MXRA7: variants seen among roughly 807,000 people sequenced by gnomAD.
MXRA7 encodes the protein matrix-remodeling-associated protein 7.
A neutral mutation model predicts 17.4 loss-of-function variants in MXRA7; 18 were observed. The observed-to-expected ratio is 1.03, with a 90% confidence interval of 0.71 to 1.53. The LOEUF (loss-of-function observed/expected upper bound fraction) is 1.53. Among genes scored for constraint, MXRA7 ranks in the 40% most tolerant of loss-of-function variants. The pLI is 0.00. For synonymous variants in MXRA7, 70 were observed against 101.7 expected, an observed-to-expected ratio of 0.69 and a Z score of 1.87; for missense variants, 141 against 209.3, an observed-to-expected ratio of 0.67 and a Z score of 2.01.
downstream of MXRA7, chr17:76,679,473 G>T: frequency 2.7e-6 from 1 of 372,010 alleles, no homozygotes; most frequent in African/African-American, 2.2e-5. Flanking sequence ...CTCTGCTGCA[G>T]AGTAAGAGGC....
downstream of MXRA7, chr17:76,679,519 C>T: frequency 1.2e-6 from 1 of 857,190 alleles, no homozygotes; most frequent in Non-Finnish European, 1.4e-6. Flanking sequence ...TCAATGGGTT[C>T]AAAAGGGATT....
At chr17:76,708,792 G>T (rs184892621) in intron 1 of MXRA7, among the ~76,000 whole-genome samples, 1 of 152,228 alleles carries the variant, frequency 6.6e-6, no homozygotes, top group East Asian at 1.9e-4. Flanking sequence ...AACCCAAAGG[G>T]GAAGGGCACT....
rs1248154955 is a variant in MXRA7 at position 76,710,816 on chromosome 17, GGTTCCGGGGGCGCGC to G, written c.116_130del (p.Arg39_Glu43del). 1 of 949,566 alleles carries G rather than the reference GGTTCCGGGGGCGCGC, an allele frequency of 1.1e-6. No homozygotes were observed. 58.8% of individuals were successfully genotyped at this position (949,566 alleles called of 1,614,324 possible). On this transcript the variant is annotated inframe_deletion, in exon 1 of 4. Transcript: ENST00000449428. ...CCCGGTGGCCTCGGCCGGGGGCGCG[GGTTCCGGGGGCGCGC>G]GGGCAGGCTCCGGGCTCGCGGCCGC...
At chr17:76,689,461 T>G (rs1203493283) in intron 1 of MXRA7, 3 of 152,296 alleles carry the variant, frequency 2.0e-5, no homozygotes, top group Non-Finnish European at 2.9e-5. Flanking sequence ...GCGTCTTCCC[T>G]GTTGGGCACT....
intron 1 of MXRA7, among the ~76,000 whole-genome samples, chr17:76,690,578 C>T (rs536776702): frequency 6.6e-6 from 1 of 151,976 alleles, no homozygotes; most frequent in South Asian, 2.1e-4. Context: ...TGCATGGTGG[C>T]ACGCACCTGT....
chr17:76,710,657 TC>T lies in MXRA7; in HGVS notation c.289del (p.Asp97IlefsTer52). 2.2e-6 allele frequency: 3 copies of T among 1,360,280 alleles called. No individual in the cohort carries two copies. Among genetic ancestry groups the T allele is most frequent in the South Asian group, 1.6e-5 (1 of 61,824 alleles). The allele number at this position is 1,360,280 out of a possible 1,614,324, so 84.3% of individuals were successfully genotyped here. A position where few individuals can be genotyped will look rare whatever the true frequency, so the allele number is the denominator to read the frequency against. On this transcript the variant is annotated frameshift_variant, in exon 1 of 4. Coordinates refer to ENST00000449428, the MANE Select transcript of MXRA7 (RefSeq NM_198530.4). LOFTEE classifies it high-confidence loss of function. Reference protein sequence around the residue: ...AGPGEPEGPGDPAAAPAEAEE... With the variant: ...AGPGEPEGPGXPAAAPAEAEE... ...CGCCTCCGCTGGCGCCGCCGCGGGA[TC>T]CCCTGGCCCTTCGGGCTCCCCCGGT...
At chr17:76,684,030 C>A in intron 3 of MXRA7, 1 of 912,896 alleles carries the variant, frequency 1.1e-6, no homozygotes, top group South Asian at 1.3e-5. Flanking sequence ...GCTGTGCTTA[C>A]ACTGCCCGCC....
intron 1 of MXRA7, among the ~76,000 whole-genome samples, chr17:76,704,886 C>T (rs568064124): frequency 4.3e-4 from 66 of 151,938 alleles, no homozygotes; most frequent in African/African-American, 1.4e-3. Context: ...ATACATCTGT[C>T]CTTAACAGTG....
In MXRA7 at chr17:76,682,842, C is replaced by T. The variant is rs987744710; in HGVS notation, c.501-1963G>A. Among the ~76,000 whole-genome samples, 6 of 152,256 alleles carry T rather than the reference C, an allele frequency of 3.9e-5. No homozygotes were observed. The South Asian group carries it at 6.2e-4, about 16-fold the overall frequency. ...TGGTAACTGCAGCATGCAGAGGAGT[C>T]GAGGAGTCTTCCCTCGTCCCAGGAG... On this transcript the variant is annotated intron_variant, in intron 3 of 3. Coordinates refer to ENST00000449428, the MANE Select transcript of MXRA7 (RefSeq NM_198530.4).
At chr17:76,683,841 C>G in intron 3 of MXRA7, 2 of 1,611,696 alleles carry the variant, frequency 1.2e-6, no homozygotes, top group Non-Finnish European at 1.7e-6. Context: ...AAATCAGTGT[C>G]CTTACCAAAA....
chr17:76,707,744 A>G (rs529344117), intron 1 of MXRA7, among the ~76,000 whole-genome samples: 1 of 152,286 alleles, frequency 6.6e-6, no homozygotes, highest in Non-Finnish European at 1.5e-5. Flanking sequence ...CCGACCATCC[A>G]GCCTTGCTCC....
chr17:76,685,276 C>A, intron 2 of MXRA7, 111 bp from the exon 3 acceptor site: 1 of 760,832 alleles, frequency 1.3e-6, no homozygotes. Context: ...GAGGCCACAT[C>A]TGGCTATCAG....
rs2076532827 is a variant in MXRA7, at chr17:76,696,399, T to TAA, written c.343-8224_343-8223insTT. Among the ~76,000 whole-genome samples the TAA allele has an allele frequency of 2.0e-5, 3 of 152,222 alleles. No individual in the cohort carries two copies. The South Asian group carries it at 6.2e-4, about 32-fold the overall frequency. ...AGCCGGGGGTGGTGGCATGTGCTTGTAGCCCCAGATACTTCGGAGGCTGAG... is the reference window on the plus strand; with the variant it reads ...AGCCGGGGGTGGTGGCATGTGCTTGTAAAGCCCCAGATACTTCGGAGGCTGAG... On this transcript the variant is annotated intron_variant, in intron 1 of 3. Transcript: ENST00000449428.
intron 1 of MXRA7, among the ~76,000 whole-genome samples, chr17:76,702,984 C>T (rs536543606): frequency 6.7e-6 from 1 of 149,302 alleles, no homozygotes; most frequent in Admixed American, 6.7e-5. Context: ...CAGCAGAACA[C>T]CACTGGGCTG....
Position 76,680,377 on chromosome 17 carries a change from G to A in MXRA7, c.*490C>T. ...AGAAGTGGGGTTCCCAGGGAAAGGG[G>A]TCGGCTGACCACCCTGACGGAGCTG... On this transcript the variant is annotated 3_prime_UTR_variant, in exon 4 of 4. Coordinates refer to ENST00000449428, the MANE Select transcript of MXRA7 (RefSeq NM_198530.4). 4 of 985,734 alleles carry A rather than the reference G, an allele frequency of 4.1e-6. No individual in the cohort carries two copies. The highest frequency in any genetic ancestry group is 4.8e-6 in the Non-Finnish European group (4 of 830,190). The allele number at this position is 985,734 out of a possible 1,614,324, so 61.1% of individuals were successfully genotyped here.
intron 1 of MXRA7, among the ~76,000 whole-genome samples, chr17:76,701,364 G>A (rs1346076321): frequency 6.6e-6 from 1 of 151,950 alleles, no homozygotes; most frequent in Non-Finnish European, 1.5e-5. Context: ...CGTCGGGGGG[G>A]TGGATCCGGG....
At chr17:76,682,514 C>T (rs2076319593) in intron 3 of MXRA7, among the ~76,000 whole-genome samples, 1 of 152,110 alleles carries the variant, frequency 6.6e-6, no homozygotes, top group South Asian at 2.1e-4. Context: ...GCTGCCAGCG[C>T]TCCCCACCCC....
chr17:76,704,374 T>G (rs113633275), intron 1 of MXRA7, among the ~76,000 whole-genome samples: 65,085 of 149,398 alleles, frequency 0.44, 14,332 homozygotes, highest in Non-Finnish European at 0.46. Context: ...CCCGGCTAAT[T>G]TTTTGTATTT....
At position 76,681,924 on chromosome 17, in the gene MXRA7, G is replaced by A. The variant is rs1004006851; in HGVS notation, c.501-1045C>T. 9.2e-5 allele frequency among the ~76,000 whole-genome samples: 14 copies of A among 152,222 alleles called. No individual in the cohort carries two copies. The highest frequency in any genetic ancestry group is 2.9e-4 in the African/African-American group (12 of 41,452). On this transcript the variant is annotated intron_variant, in intron 3 of 3. Transcript: ENST00000449428. This position sits in a 1 kb window ranked among gnomAD's most constrained non-coding sequence, Gnocchi z 4.7. The stretch of plus-strand genomic sequence containing the variant: ...TGGCACTTCCCACAGCAGCTTCAGC[G>A]GAACCCAGGGACGCCACCAGAGGCA...
Sources: gnomAD v4.1 joint callset for allele counts (sites outside exome capture counted in the v4.1 genomes callset) on GRCh38, gnomAD v4.1.1 for gene constraint, Gnocchi (gnomAD v3.1) non-coding constraint, MANE v1.5 for transcripts, NCBI Gene and HGNC (gene_info 2026-07-23, HGNC 2026-07-21) for gene names.